Variants in TMPRSS11F observed in about 807,000 individuals in gnomAD.
TMPRSS11F encodes the protein transmembrane protease serine 11F.
A neutral mutation model predicts 60.2 loss-of-function variants in TMPRSS11F; 47 were observed. The observed-to-expected ratio is 0.78, with a 90% confidence interval of 0.62 to 1.00. TMPRSS11F has a LOEUF of 1.00. Ranked by LOEUF, TMPRSS11F falls within the 50% of genes least tolerant of loss-of-function variation. The probability of loss-of-function intolerance (pLI) is 0.00; values close to 1 mark genes in which losing one functional copy is unlikely to be tolerated. For missense variants in TMPRSS11F, 519 were observed against 522.9 expected (o/e 0.99, Z 0.07); for synonymous variants, 166 against 167.3 (o/e 0.99, Z 0.06).
intron 2 of TMPRSS11F, among the ~76,000 whole-genome samples, chr4:68,096,616 G>A (rs1041435115): frequency 6.6e-6 from 1 of 152,112 alleles, no homozygotes; most frequent in African/African-American, 2.4e-5. Context: ...ATATTCAAAA[G>A]TCACTGATTT....
chr4:68,097,682 T>C (rs1468167790), intron 2 of TMPRSS11F, among the ~76,000 whole-genome samples: 1 of 152,196 alleles, frequency 6.6e-6, no homozygotes, highest in African/African-American at 2.4e-5. Context: ...AAATGCTTTT[T>C]TTGTCATTAT....
intron 9 of TMPRSS11F, among the ~76,000 whole-genome samples, chr4:68,058,609 A>G (rs1182318372): frequency 6.6e-6 from 1 of 152,228 alleles, no homozygotes; most frequent in Non-Finnish European, 1.5e-5. Context: ...ACAGGAAATA[A>G]GCTAGATAAA....
At chr4:68,103,390 G>A (rs1044061249) in intron 1 of TMPRSS11F, among the ~76,000 whole-genome samples, 2 of 151,590 alleles carry the variant, frequency 1.3e-5, no homozygotes, top group Admixed American at 6.6e-5. Flanking sequence ...AAGGAGCAGT[G>A]AGCTGTGATC....
intron 1 of TMPRSS11F, among the ~76,000 whole-genome samples, chr4:68,120,199 A>G (rs1724596952): frequency 6.6e-6 from 1 of 152,142 alleles, no homozygotes; most frequent in Admixed American, 6.5e-5. Flanking sequence ...GATAGAAACT[A>G]TTCCTGGTGA....
intron 5 of TMPRSS11F, 147 bp from the exon 6 acceptor site, chr4:68,070,154 A>G (rs927485550): frequency 3.5e-5 from 19 of 542,438 alleles, no homozygotes; most frequent in African/African-American, 2.7e-4. Flanking sequence ...ATCAAGTCAT[A>G]TATAAATAAC....
At chr4:68,055,936 G>C in intron 9 of TMPRSS11F, among the ~76,000 whole-genome samples, 1 of 152,006 alleles carries the variant, frequency 6.6e-6, no homozygotes, top group East Asian at 1.9e-4. Flanking sequence ...TTAACAAAAC[G>C]AAGGCTAAAA....
chr4:68,058,856 T>A (rs1577908038), intron 9 of TMPRSS11F, among the ~76,000 whole-genome samples: 2 of 152,100 alleles, frequency 1.3e-5, no homozygotes, highest in African/African-American at 4.8e-5. Flanking sequence ...TAGTTTTTGA[T>A]AACAAGGCCC....
intron 2 of TMPRSS11F, among the ~76,000 whole-genome samples, chr4:68,097,780 C>A (rs1161108244): frequency 6.6e-6 from 1 of 151,624 alleles, no homozygotes; most frequent in Non-Finnish European, 1.5e-5. Context: ...ACCTTCTAAC[C>A]CAAAGAAAAT....
At chr4:68,086,151 TA>T (rs560611417) in intron 3 of TMPRSS11F, among the ~76,000 whole-genome samples, 17 of 151,424 alleles carry the variant, frequency 1.1e-4, no homozygotes, top group Admixed American at 6.6e-4. Flanking sequence ...CTGAATAAAT[TA>T]AAAAAAAATC....
At chr4:68,117,277 C>G (rs1724543395) in intron 1 of TMPRSS11F, among the ~76,000 whole-genome samples, 1 of 151,812 alleles carries the variant, frequency 6.6e-6, no homozygotes. Flanking sequence ...ACCATCCAGG[C>G]TAACACGGTG....
intron 9 of TMPRSS11F, among the ~76,000 whole-genome samples, chr4:68,056,459 A>G (rs936979251): frequency 6.6e-6 from 1 of 151,218 alleles, no homozygotes; most frequent in African/African-American, 2.4e-5. Context: ...AAAAAAAAAC[A>G]CTTGGGAGTA....
chr4:68,121,789 A>G (rs1302731467), intron 1 of TMPRSS11F, among the ~76,000 whole-genome samples: 1 of 152,226 alleles, frequency 6.6e-6, no homozygotes, highest in Non-Finnish European at 1.5e-5. Flanking sequence ...CACAGCTAAT[A>G]TAATCTGCAT....
At chr4:68,079,654 A>G (rs1309160061) in intron 3 of TMPRSS11F, among the ~76,000 whole-genome samples, 1 of 152,176 alleles carries the variant, frequency 6.6e-6, no homozygotes, top group African/African-American at 2.4e-5. Flanking sequence ...AACTACAAAA[A>G]CTAATTGTAT....
chr4:68,065,074 G>A (rs1723297148), intron 7 of TMPRSS11F, 130 bp from the exon 8 acceptor site: 2 of 879,938 alleles, frequency 2.3e-6, no homozygotes, highest in Admixed American at 3.2e-5. Context: ...GTTTGTAGTT[G>A]ATAACATAAT....
At chr4:68,063,212 T>C in intron 8 of TMPRSS11F, 1 of 589,480 alleles carries the variant, frequency 1.7e-6, no homozygotes, top group Non-Finnish European at 3.4e-6. Flanking sequence ...GAGATACTTT[T>C]CTAAAACAGG....
intron 8 of TMPRSS11F, among the ~76,000 whole-genome samples, chr4:68,063,530 C>T (rs773343348): frequency 6.6e-6 from 1 of 152,110 alleles, no homozygotes; most frequent in Non-Finnish European, 1.5e-5. Flanking sequence ...GCCTGCACCA[C>T]CATGCCCTGT....
In TMPRSS11F at chr4:68,064,787, A is replaced by G; in HGVS notation, c.913T>C (p.Phe305Leu). 1 of 1,613,930 alleles carries G rather than the reference A, an allele frequency of 6.2e-7. No individual in the cohort carries two copies. The highest frequency in any genetic ancestry group is 2.2e-5 in the East Asian group (1 of 44,850). ...CAAACTCTCTGGACTATATTTGAAA[A>G]CTCAACTCCAGTAGAGAGCTGAACC... ...ALVQLSTGVEFSNIVQRVCLP... is the reference protein window; with the variant it reads ...ALVQLSTGVELSNIVQRVCLP... The change falls in exon 8 of 10, where the codon TTT (phenylalanine) becomes CTT (leucine). Residue 305 changes from phenylalanine (F) to leucine (L), a missense_variant. Transcript: ENST00000356291.
chr4:68,072,279 G>C lies in TMPRSS11F; in HGVS notation c.514+44C>G, dbSNP rs1376329029. On this transcript the variant is annotated intron_variant, in intron 5 of 9. Coordinates refer to ENST00000356291, the MANE Select transcript of TMPRSS11F (RefSeq NM_207407.2). The stretch of plus-strand genomic sequence containing the variant: ...TTACAAAAATTAAAGAGGGTTGTAA[G>C]AGGAGGGAATGACAAAAGTGGCAAA... The C allele has an allele frequency of 5.3e-6, 6 of 1,138,642 alleles. No homozygotes were observed. In the African/African-American group the frequency reaches 9.4e-5, roughly 18 times the overall value. The allele number at this position is 1,138,642 out of a possible 1,614,324, so 70.5% of individuals were successfully genotyped here. A position where few individuals can be genotyped will look rare whatever the true frequency, so the allele number is the denominator to read the frequency against.
intron 3 of TMPRSS11F, chr4:68,080,229 C>A (rs1446120174): frequency 6.6e-6 from 1 of 152,204 alleles, no homozygotes; most frequent in African/African-American, 2.4e-5. Flanking sequence ...AAGCCAGGAT[C>A]ATGAGTTGGA....
Sources: allele counts gnomAD v4.1 joint callset (sites outside exome capture counted in the v4.1 genomes callset), GRCh38; gene constraint gnomAD v4.1.1; transcripts MANE v1.5; gene names NCBI Gene and HGNC (gene_info 2026-07-23, HGNC 2026-07-21).